Variants in CSMD3 observed in about 807,000 individuals in gnomAD.
CSMD3 encodes CUB and Sushi multiple domains 3.
In CSMD3, 177 loss-of-function variants were observed where a neutral mutation model predicts 435.2. The ratio of observed to expected loss-of-function variants is 0.41; its 90% CI spans 0.36 to 0.46. The LOEUF is 0.46. CSMD3 is among the 20% of genes least tolerant of loss of function. The pLI is 0.34. For synonymous variants in CSMD3, 1,656 were observed against 1,520.5 expected, an observed-to-expected ratio of 1.09 and a Z score of -2.07; for missense variants, 4,265 against 4,504.6, an observed-to-expected ratio of 0.95 and a Z score of 1.52.
chr8:112,270,139 A>G (rs1817328048), intron 59 of CSMD3, among the ~76,000 whole-genome samples: 1 of 152,194 alleles, frequency 6.6e-6, no homozygotes, highest in African/African-American at 2.4e-5. Context: ...GAATAACAGC[A>G]GGTAGAATTT....
At chr8:113,028,001 G>A (rs1019290697) in intron 5 of CSMD3, among the ~76,000 whole-genome samples, 3 of 151,778 alleles carry the variant, frequency 2.0e-5, no homozygotes, top group Non-Finnish European at 4.4e-5. Context: ...TTGCATTTTT[G>A]TTTATTGTGC....
In CSMD3 at chr8:112,346,907, C is replaced by T. The variant is rs150170870; in HGVS notation, c.6326-694G>A. ...TGTTAGCCAGGATGGTCTTGATCTC[C>T]TGACCTCGTGATCCGCCCGCCCAGG... On this transcript the variant is annotated intron_variant, in intron 40 of 70. Coordinates refer to ENST00000297405, the MANE Select transcript of CSMD3 (RefSeq NM_198123.2). Among the ~76,000 whole-genome samples the T allele has an allele frequency of 3.3e-5, 5 of 152,040 alleles. No homozygotes were observed. In the East Asian group the frequency reaches 9.7e-4, roughly 30 times the overall value.
chr8:112,393,377 T>C (rs906791959), intron 35 of CSMD3, among the ~76,000 whole-genome samples: 2 of 152,144 alleles, frequency 1.3e-5, no homozygotes, highest in African/African-American at 4.8e-5. Context: ...ATCTATGGAC[T>C]TTCAGTGTGA....
intron 12 of CSMD3, among the ~76,000 whole-genome samples, chr8:112,817,815 C>A (rs531247921): frequency 2.0e-5 from 3 of 152,106 alleles, no homozygotes; most frequent in East Asian, 3.9e-4. Flanking sequence ...ATCTATATGG[C>A]AAATTTAGCA....
At chr8:112,530,488 G>A (rs1428263496) in intron 27 of CSMD3, among the ~76,000 whole-genome samples, 1 of 152,160 alleles carries the variant, frequency 6.6e-6, no homozygotes, top group Non-Finnish European at 1.5e-5. Flanking sequence ...GACCATAAAG[G>A]AGAGTGATGG....
chr8:112,287,304 A>G (rs2130638797), intron 57 of CSMD3, 58 bp from the exon 58 acceptor site: 1 of 1,547,374 alleles, frequency 6.5e-7, no homozygotes, highest in Admixed American at 1.7e-5. Context: ...TAAGTTTACC[A>G]GTTAGTCCAA....
intron 2 of CSMD3, among the ~76,000 whole-genome samples, chr8:113,300,671 A>C (rs903319419): frequency 1.3e-4 from 20 of 152,084 alleles, no homozygotes; most frequent in African/African-American, 3.9e-4. Flanking sequence ...GGAACAATAG[A>C]TACTGGGAAC....
intron 16 of CSMD3, among the ~76,000 whole-genome samples, chr8:112,672,038 A>T (rs1440997557): frequency 6.6e-6 from 1 of 152,070 alleles, no homozygotes; most frequent in Non-Finnish European, 1.5e-5. Flanking sequence ...CCTTCAAGAG[A>T]TACACATTTT....
intron 3 of CSMD3, among the ~76,000 whole-genome samples, chr8:113,266,071 T>C (rs973553179): frequency 3.3e-5 from 5 of 151,326 alleles, no homozygotes; most frequent in African/African-American, 1.2e-4. Context: ...ATCCAACTGT[T>C]TTGCCAGAAG....
At chr8:113,325,723 C>G (rs1563702066) in intron 1 of CSMD3, among the ~76,000 whole-genome samples, 1 of 152,166 alleles carries the variant, frequency 6.6e-6, no homozygotes, top group East Asian at 1.9e-4. Context: ...TGCAGTGCCA[C>G]AAGAGTTTGT....
chr8:112,268,530 T>TAA (rs1817170182), intron 59 of CSMD3, among the ~76,000 whole-genome samples: 2 of 152,232 alleles, frequency 1.3e-5, no homozygotes, highest in Non-Finnish European at 2.9e-5. Flanking sequence ...TTCACTTTTT[T>TAA]ATTCAATATC....
intron 2 of CSMD3, among the ~76,000 whole-genome samples, chr8:113,285,578 G>A (rs1390672926): frequency 6.6e-6 from 1 of 152,062 alleles, no homozygotes; most frequent in Non-Finnish European, 1.5e-5. Context: ...CACCTTTATA[G>A]CGAAAACTGC....
chr8:112,430,261 C>CA (rs1188060458), intron 32 of CSMD3, among the ~76,000 whole-genome samples: 3 of 151,470 alleles, frequency 2.0e-5, no homozygotes, highest in African/African-American at 4.8e-5. Context: ...TGAAGAGTGA[C>CA]AAAAAAACAG....
At chr8:112,606,428 A>G (rs1169302792) in intron 22 of CSMD3, among the ~76,000 whole-genome samples, 2 of 152,066 alleles carry the variant, frequency 1.3e-5, no homozygotes, top group East Asian at 3.9e-4. Flanking sequence ...AGCTCCACTG[A>G]CTCCATCAGA....
At chr8:112,865,727 C>A (rs1024079447) in intron 10 of CSMD3, among the ~76,000 whole-genome samples, 1 of 150,752 alleles carries the variant, frequency 6.6e-6, no homozygotes, top group East Asian at 2.0e-4. Context: ...CACACACACA[C>A]AGACCATTGT....
In CSMD3 at chr8:113,148,887, T is replaced by A. The variant is rs184375606; in HGVS notation, c.709+24835A>T. ...GTGAAGCAACAGTATTTACTTTAAT[T>A]ACAGTTTTCTAAAGATTTCTACAGG... On this transcript the variant is annotated intron_variant, in intron 4 of 70. Coordinates refer to ENST00000297405, the MANE Select transcript of CSMD3 (RefSeq NM_198123.2). 8.3e-3 allele frequency among the ~76,000 whole-genome samples: 1,268 copies of A among 151,892 alleles called. 16 individuals are homozygous for A. Among genetic ancestry groups the A allele is most frequent in the African/African-American group, 0.029 (1,210 of 41,504 alleles).
intron 3 of CSMD3, among the ~76,000 whole-genome samples, chr8:113,277,822 C>T (rs145321965): frequency 5.9e-5 from 9 of 152,014 alleles, no homozygotes; most frequent in African/African-American, 1.9e-4. Flanking sequence ...TGATTTCTAT[C>T]TGAAACCTTC....
At chr8:112,696,476 A>G (rs2131852851) in intron 13 of CSMD3, among the ~76,000 whole-genome samples, 1 of 152,318 alleles carries the variant, frequency 6.6e-6, no homozygotes, top group South Asian at 2.1e-4. Flanking sequence ...CAATGGGGAA[A>G]GGATTCCCTA....
chr8:113,298,565 T>C lies in CSMD3; in HGVS notation c.401+16006A>G, dbSNP rs148198689. ...TAATCAAGAGGATAGTAGGTACTCA[T>C]CATTTAATGTAATATCTTGCTTATT... On this transcript the variant is annotated intron_variant, in intron 2 of 70. Transcript: ENST00000297405. 2.7e-3 allele frequency among the ~76,000 whole-genome samples: 418 copies of C among 152,278 alleles called. 2 individuals are homozygous for C. Among genetic ancestry groups the C allele is most frequent in the Non-Finnish European group, 4.7e-3 (321 of 68,016 alleles).
Sources: allele counts gnomAD v4.1 joint callset (sites outside exome capture counted in the v4.1 genomes callset), GRCh38; gene constraint gnomAD v4.1.1; transcripts MANE v1.5; gene names NCBI Gene and HGNC (gene_info 2026-07-23, HGNC 2026-07-21).